Variants in RIN2 observed in about 807,000 individuals in gnomAD.
The protein encoded by RIN2 is Ras and Rab interactor 2.
Under a neutral mutation model 78.0 loss-of-function variants are expected in RIN2, and 36 were observed. The ratio of observed to expected loss-of-function variants is 0.46; its 90% confidence interval spans 0.35 to 0.61. RIN2 has a LOEUF of 0.61. RIN2 is among the 20% of genes least tolerant of loss of function. RIN2 has a pLI of 0.00. For synonymous variants in RIN2, 466 were observed against 466.8 expected, an observed-to-expected ratio of 1.00 and a Z score of 0.02; for missense variants, 1,087 against 1,159.7, an observed-to-expected ratio of 0.94 and a Z score of 0.91.
intron 1 of RIN2, among the ~76,000 whole-genome samples, chr20:19,770,882 C>A (rs2034090459): frequency 7.0e-6 from 1 of 143,428 alleles, no homozygotes. Context: ...CACCCCCCCC[C>A]CCCACCTTCC....
intron 2 of RIN2, among the ~76,000 whole-genome samples, chr20:19,821,294 T>C (rs1453176047): frequency 6.6e-6 from 1 of 152,180 alleles, no homozygotes; most frequent in Non-Finnish European, 1.5e-5. Context: ...CTTATTTTGG[T>C]GAATTATACC....
At chr20:19,948,445 A>G (rs1411334137) in intron 4 of RIN2, among the ~76,000 whole-genome samples, 2 of 152,160 alleles carry the variant, frequency 1.3e-5, no homozygotes, top group Non-Finnish European at 2.9e-5. Flanking sequence ...CCCAGGCTGG[A>G]GTGCAGTGGC....
At chr20:19,810,507 C>T (rs114146889) in intron 2 of RIN2, among the ~76,000 whole-genome samples, 1,930 of 152,078 alleles carry the variant, frequency 0.013, 48 homozygotes, top group African/African-American at 0.044. Context: ...GAGCACCTAC[C>T]GATTTGATTC....
chr20:19,787,847 TTACTGGCAACCATGTTACTACCC>T lies in RIN2; in HGVS notation c.-162-11772_-162-11750del, dbSNP rs1182808513. On this transcript the variant is annotated intron_variant, in intron 1 of 12. Coordinates refer to ENST00000255006, the MANE Select transcript of RIN2 (RefSeq NM_018993.4). ...TAAACTGCTTGACTCAAGCATGTGC[TTACTGGCAACCATGTTACTACCC>T]TATGCATTACACAAGACAATCTCAG... Among the ~76,000 whole-genome samples, 7 of 152,296 alleles carry T rather than the reference TTACTGGCAACCATGTTACTACCC, an allele frequency of 4.6e-5. No homozygotes were observed. In the East Asian group the frequency reaches 1.4e-3, roughly 29 times the overall value.
At chr20:19,809,462 G>A (rs536843371) in intron 2 of RIN2, 1 of 152,566 alleles carries the variant, frequency 6.6e-6, no homozygotes, top group South Asian at 2.1e-4. Context: ...AGCAGGATAT[G>A]GCAGTCCCCT....
chr20:19,763,746 G>A lies in RIN2; in HGVS notation c.-163+5419G>A, dbSNP rs558717811. On this transcript the variant is annotated intron_variant, in intron 1 of 12. Coordinates refer to ENST00000255006, the MANE Select transcript of RIN2 (RefSeq NM_018993.4). ...GGTTGTAAGAACCTCCATTACTAACGTTGAATGATGCTCCATGATTGAGAG... is the reference window on the plus strand; with the variant it reads ...GGTTGTAAGAACCTCCATTACTAACATTGAATGATGCTCCATGATTGAGAG... Among the ~76,000 whole-genome samples the A allele has an allele frequency of 1.8e-3, 273 of 152,302 alleles. 1 individual carries two copies. Among genetic ancestry groups the A allele is most frequent in the Non-Finnish European group, 7.5e-4 (51 of 68,020 alleles).
At chr20:19,923,879 C>T (rs370799102) in intron 3 of RIN2, among the ~76,000 whole-genome samples, 1 of 151,904 alleles carries the variant, frequency 6.6e-6, no homozygotes. Context: ...GTGTCTTGAA[C>T]CAACAGGGCT....
intron 1 of RIN2, among the ~76,000 whole-genome samples, chr20:19,765,173 C>T (rs2033833925): frequency 6.6e-6 from 1 of 151,984 alleles, no homozygotes; most frequent in Non-Finnish European, 1.5e-5. Context: ...TTATCTTCTC[C>T]CCCACCCCCA....
Position 19,975,189 on chromosome 20 carries a change from G to C in RIN2, c.1164G>C (p.Leu388=). The C allele has an allele frequency of 6.2e-7, 1 of 1,606,954 alleles. No individual in the cohort carries two copies. The highest frequency in any genetic ancestry group is 8.5e-7 in the Non-Finnish European group (1 of 1,176,936). ...SGGRPGAGPE[L]ELGTAGSPGG... is the part of the protein sequence containing the mutation. The stretch of plus-strand genomic sequence containing the variant: ...GCCGGCCGGGCGCAGGCCCGGAGCT[G>C]GAGCTGGGCACAGCTGGCAGCCCAG... Residue 388 remains leucine (L), a synonymous_variant, in exon 9 of 13, where the codon CTG becomes CTC. Transcript: ENST00000255006. The surrounding 1 kb of genome is among the most constrained non-coding windows in gnomAD (Gnocchi z 4.9).
chr20:19,934,458 G>A (rs902446664), intron 3 of RIN2: 2 of 984,974 alleles, frequency 2.0e-6, no homozygotes, highest in East Asian at 1.1e-4. Flanking sequence ...CTGAGATGGG[G>A]CCGCCTTTTC....
intron 3 of RIN2, among the ~76,000 whole-genome samples, chr20:19,908,498 A>G (rs934153705): frequency 2.0e-5 from 3 of 151,834 alleles, no homozygotes; most frequent in African/African-American, 7.3e-5. Flanking sequence ...CTCAAAAAAA[A>G]AAAAAAAGAA....
At chr20:19,869,965 T>C (rs1837360614) in intron 2 of RIN2, among the ~76,000 whole-genome samples, 1 of 152,100 alleles carries the variant, frequency 6.6e-6, no homozygotes, top group South Asian at 2.1e-4. Flanking sequence ...TTTGAAATAA[T>C]GTCAAACTTC....
At chr20:19,904,522 C>A (rs2039134431) in intron 3 of RIN2, among the ~76,000 whole-genome samples, 1 of 151,866 alleles carries the variant, frequency 6.6e-6, no homozygotes, top group Non-Finnish European at 1.5e-5. Flanking sequence ...TTAAGCTGAA[C>A]TGTGCAGGAG....
chr20:19,825,626 A>G (rs911962370), intron 2 of RIN2, among the ~76,000 whole-genome samples: 15 of 152,168 alleles, frequency 9.9e-5, no homozygotes, highest in Admixed American at 6.5e-5. Context: ...TTCTCACTGA[A>G]GGTTGAGGAC....
chr20:19,969,340 T>A (rs1156393713), intron 7 of RIN2, among the ~76,000 whole-genome samples: 2 of 152,086 alleles, frequency 1.3e-5, no homozygotes, highest in Non-Finnish European at 2.9e-5. Context: ...GCCGCAGTGG[T>A]CTCCTTGCTG....
At chr20:19,785,579 C>T (rs1402975975) in intron 1 of RIN2, among the ~76,000 whole-genome samples, 2 of 152,174 alleles carry the variant, frequency 1.3e-5, no homozygotes, top group Non-Finnish European at 2.9e-5. Flanking sequence ...GTTTTCTAAA[C>T]CCCAGCCCAA....
intron 6 of RIN2, among the ~76,000 whole-genome samples, chr20:19,963,901 T>C (rs926318156): frequency 1.4e-5 from 2 of 140,122 alleles, no homozygotes; most frequent in African/African-American, 5.4e-5. Context: ...TCTTTCTCTG[T>C]CACCCAGGCT....
chr20:19,988,009 G>C (rs1343103622), intron 9 of RIN2, among the ~76,000 whole-genome samples: 1 of 152,146 alleles, frequency 6.6e-6, no homozygotes, highest in African/African-American at 2.4e-5. Flanking sequence ...GTACCTCTGC[G>C]TTAGATTTAT....
chr20:19,768,089 C>T (rs2033965319), intron 1 of RIN2, among the ~76,000 whole-genome samples: 1 of 152,100 alleles, frequency 6.6e-6, no homozygotes, highest in African/African-American at 2.4e-5. Context: ...ATGATCCAGA[C>T]TGTGTGTCAC....
Sources: allele counts gnomAD v4.1 joint callset (sites outside exome capture counted in the v4.1 genomes callset), GRCh38; gene constraint gnomAD v4.1.1; non-coding constraint Gnocchi (gnomAD v3.1); transcripts MANE v1.5; gene names NCBI Gene and HGNC (gene_info 2026-07-23, HGNC 2026-07-21).